SV2B: variants seen among roughly 807,000 people sequenced by gnomAD.
The protein encoded by SV2B is synaptic vesicle glycoprotein 2B, also known as solute carrier family 22 member B2.
In SV2B, 41 loss-of-function variants were observed where a neutral mutation model predicts 73.9. The observed-to-expected ratio is 0.56, with a 90% CI of 0.43 to 0.72. The LOEUF is 0.72. Ranked by LOEUF, SV2B falls within the 30% of genes least tolerant of loss-of-function variation. SV2B has a pLI of 0.00. For synonymous variants in SV2B, 314 were observed against 314.2 expected, an observed-to-expected ratio of 1.00 and a Z score of 0.01; for missense variants, 764 against 857.8, an observed-to-expected ratio of 0.89 and a Z score of 1.37.
intron 1 of SV2B, among the ~76,000 whole-genome samples, chr15:91,160,253 G>C (rs2043663713): frequency 6.6e-6 from 1 of 152,162 alleles, no homozygotes; most frequent in African/African-American, 2.4e-5. Context: ...TAAATGTGTG[G>C]AAATGGCTGA....
In SV2B at chr15:91,292,467, C is replaced by T. The variant is rs865909459; in HGVS notation, c.1967C>T (p.Pro656Leu). 3.1e-6 allele frequency: 5 copies of T among 1,614,162 alleles called. No individual in the cohort carries two copies. The highest frequency in any genetic ancestry group is 4.2e-6 in the Non-Finnish European group (5 of 1,180,040). ...TTTGTTGGGATAACCAAAGTGGTCC[C>T]CATCCTTCTGGCTGCTGCTTCTCTG... ...ASFVGITKVV[P>L]ILLAAASLVG... Residue 656 changes from proline (P) to leucine (L), a missense_variant, in exon 13 of 13, where the codon CCC becomes CTC. Coordinates refer to ENST00000394232, the MANE Select transcript of SV2B (RefSeq NM_001323032.3).
At chr15:91,113,312 T>C (rs1449591964) in intron 1 of SV2B, among the ~76,000 whole-genome samples, 11 of 152,230 alleles carry the variant, frequency 7.2e-5, no homozygotes, top group Admixed American at 6.5e-5. Flanking sequence ...CTCCTTTTCA[T>C]CTATTGGCTG....
In SV2B at chr15:91,141,993, C is replaced by T. The variant is rs1324507932; in HGVS notation, c.-392+41630C>T. ...AGCAGGGAGGCAGAGAGGTAAGATA[C>T]ACGGCTTTGCAGGAACTCATTTCAG... On this transcript the variant is annotated intron_variant, in intron 1 of 12. Coordinates refer to ENST00000394232, the MANE Select transcript of SV2B (RefSeq NM_001323032.3). This position sits in a 1 kb window ranked among gnomAD's most constrained non-coding sequence, Gnocchi z 4.6. Among the ~76,000 whole-genome samples the T allele has an allele frequency of 6.6e-6, 1 of 152,118 alleles. No homozygotes were observed. The highest frequency in any genetic ancestry group is 1.5e-5 in the Non-Finnish European group (1 of 68,022).
chr15:91,199,388 A>T (rs2045381193), intron 1 of SV2B, among the ~76,000 whole-genome samples: 1 of 152,154 alleles, frequency 6.6e-6, no homozygotes, highest in Admixed American at 6.5e-5. Context: ...TCCGGGGACC[A>T]GAATCTTGGT....
chr15:91,159,446 C>G (rs973115985), intron 1 of SV2B, among the ~76,000 whole-genome samples: 2 of 152,000 alleles, frequency 1.3e-5, no homozygotes, highest in African/African-American at 4.8e-5. Context: ...ATTGCATTAA[C>G]AATTTAGAGA....
chr15:91,189,024 C>T (rs2044893766), intron 1 of SV2B, among the ~76,000 whole-genome samples: 2 of 152,000 alleles, frequency 1.3e-5, no homozygotes, highest in African/African-American at 2.4e-5. Flanking sequence ...ACAGGTTTTG[C>T]CATGTTGGTC....
chr15:91,204,037 G>A (rs1422633806), intron 1 of SV2B, among the ~76,000 whole-genome samples: 2 of 152,156 alleles, frequency 1.3e-5, no homozygotes, highest in Admixed American at 1.3e-4. Flanking sequence ...GCCCTGGTTG[G>A]GTGGTTTCCA....
In SV2B at chr15:91,128,415, G is replaced by T. The variant is rs1033950588; in HGVS notation, c.-392+28052G>T. Among the ~76,000 whole-genome samples, 2 of 152,120 alleles carry T rather than the reference G, an allele frequency of 1.3e-5. No individual in the cohort carries two copies. The highest frequency in any genetic ancestry group is 2.4e-5 in the African/African-American group (1 of 41,418). On this transcript the variant is annotated intron_variant, in intron 1 of 12. Coordinates refer to ENST00000394232, the MANE Select transcript of SV2B (RefSeq NM_001323032.3). The surrounding 1 kb of genome is among the most constrained non-coding windows in gnomAD (Gnocchi z 4.2). Reference sequence around the variant, plus strand: ...CTTACCCAGGGTCTGATTCCACCCCGCAAACCCTCACCTGGCTGAATATGA... The same window carrying T: ...CTTACCCAGGGTCTGATTCCACCCCTCAAACCCTCACCTGGCTGAATATGA...
intron 1 of SV2B, among the ~76,000 whole-genome samples, chr15:91,133,111 T>A (rs2042707374): frequency 6.6e-6 from 1 of 152,162 alleles, no homozygotes; most frequent in Admixed American, 6.5e-5. Context: ...ATTAAGAGAC[T>A]TCAATATGAT....
rs1055149438 is a variant in SV2B, at chr15:91,234,296, C to T, written c.451+7582C>T. ...TATGTGAGTTTTTTGAGGGGATCCTCAGTGTTCTTAAAGAGATCTGTGATT... is the reference window on the plus strand; with the variant it reads ...TATGTGAGTTTTTTGAGGGGATCCTTAGTGTTCTTAAAGAGATCTGTGATT... On this transcript the variant is annotated intron_variant, in intron 2 of 12. Transcript: ENST00000394232. The surrounding 1 kb of genome is among the most constrained non-coding windows in gnomAD (Gnocchi z 5.6). 3.3e-5 allele frequency among the ~76,000 whole-genome samples: 5 copies of T among 152,202 alleles called. No homozygotes were observed. Among genetic ancestry groups the T allele is most frequent in the African/African-American group, 1.2e-4 (5 of 41,460 alleles).
At position 91,163,582 on chromosome 15, in the gene SV2B, A is replaced by C. The variant is rs549515311; in HGVS notation, c.-391-62291A>C. Among the ~76,000 whole-genome samples the C allele has an allele frequency of 1.8e-4, 27 of 152,304 alleles. 1 individual carries two copies. The South Asian group carries it at 5.4e-3, about 30-fold the overall frequency. On this transcript the variant is annotated intron_variant, in intron 1 of 12. Coordinates refer to ENST00000394232, the MANE Select transcript of SV2B (RefSeq NM_001323032.3). ...GTCTTCTTTTGAGAAGTGTCTGTTC[A>C]TATCCTTCGCCCACTTTTTGATGGG...
Position 91,187,750 on chromosome 15 carries a change from A to C in SV2B, c.-391-38123A>C, listed in dbSNP as rs540236799. 3.9e-5 allele frequency among the ~76,000 whole-genome samples: 6 copies of C among 152,234 alleles called. No individual in the cohort carries two copies. In the East Asian group the frequency reaches 1.2e-3, roughly 29 times the overall value. On this transcript the variant is annotated intron_variant, in intron 1 of 12. Coordinates refer to ENST00000394232, the MANE Select transcript of SV2B (RefSeq NM_001323032.3). ...TGTATAATTTTTATTGAGTTAAATC[A>C]TAATTAACTGAATATTTTTCTATAT...
intron 10 of SV2B, among the ~76,000 whole-genome samples, chr15:91,282,474 G>T (rs968583125): frequency 6.6e-6 from 1 of 152,146 alleles, no homozygotes; most frequent in Non-Finnish European, 1.5e-5. Context: ...TGAAGTCGGG[G>T]TATAAGGAAA....
At chr15:91,148,016 T>A (rs2043197959) in intron 1 of SV2B, among the ~76,000 whole-genome samples, 1 of 130,494 alleles carries the variant, frequency 7.7e-6, no homozygotes, top group African/African-American at 2.8e-5. Context: ...AGTCTTGCTC[T>A]GTCGCCCAGG....
At chr15:91,134,186 A>T (rs1475367386) in intron 1 of SV2B, among the ~76,000 whole-genome samples, 1 of 151,428 alleles carries the variant, frequency 6.6e-6, no homozygotes, top group African/African-American at 2.4e-5. Flanking sequence ...TTTAGTAGAG[A>T]TGGGTTTCAC....
intron 1 of SV2B, among the ~76,000 whole-genome samples, chr15:91,154,024 A>G (rs866742919): frequency 2.6e-5 from 4 of 151,758 alleles, no homozygotes; most frequent in South Asian, 2.1e-4. Flanking sequence ...ATCTCTGGAA[A>G]AAGACTATAG....
intron 1 of SV2B, among the ~76,000 whole-genome samples, chr15:91,187,786 G>C (rs142190376): frequency 6.6e-6 from 1 of 151,916 alleles, no homozygotes; most frequent in African/African-American, 2.4e-5. Flanking sequence ...TCATTTACTA[G>C]GAAGCAGAAC....
At chr15:91,134,795 A>G (rs1289668588) in intron 1 of SV2B, among the ~76,000 whole-genome samples, 2 of 152,154 alleles carry the variant, frequency 1.3e-5, no homozygotes, top group Non-Finnish European at 2.9e-5. Flanking sequence ...AATAAAAACA[A>G]CAGCGACAAC....
chr15:91,212,494 A>G (rs568366411), intron 1 of SV2B, among the ~76,000 whole-genome samples: 25 of 152,204 alleles, frequency 1.6e-4, no homozygotes, highest in Non-Finnish European at 3.1e-4. Context: ...CAAGTTTGCT[A>G]AGATTCACTG....
Sources: gnomAD v4.1 joint callset for allele counts (sites outside exome capture counted in the v4.1 genomes callset) on GRCh38, gnomAD v4.1.1 for gene constraint, Gnocchi (gnomAD v3.1) non-coding constraint, MANE v1.5 for transcripts, NCBI Gene and HGNC (gene_info 2026-07-23, HGNC 2026-07-21) for gene names.